The following CHRNA1 variants were observed in gnomAD, a reference collection of about 807,000 sequenced individuals.
The protein encoded by CHRNA1 is acetylcholine receptor subunit alpha.
CHRNA1 carries 35 observed loss-of-function variants against 47.1 expected under a neutral mutation model. That is an observed-to-expected ratio of 0.74 (90% CI 0.57 to 0.99). The LOEUF is 0.99. Among genes scored for constraint, CHRNA1 ranks in the 50% least tolerant of loss-of-function variants. The pLI is 0.00. For missense variants in CHRNA1, 506 were observed against 591.1 expected (o/e 0.86, Z 1.49); for synonymous variants, 229 against 223.6 (o/e 1.02, Z -0.22).
Position 174,748,631 on chromosome 2 carries a change from C to G in CHRNA1, c.1191G>C (p.Glu397Asp). 1 of 1,614,124 alleles carries G rather than the reference C, an allele frequency of 6.2e-7. No individual in the cohort carries two copies. The highest frequency in any genetic ancestry group is 8.5e-7 in the Non-Finnish European group (1 of 1,179,994). Reference sequence around the variant, plus strand: ...TGGTCTCTGCGATGTACTTGATGCCCTCGATGGCACTTTTCACCTCGGGGT... The same window carrying G: ...TGGTCTCTGCGATGTACTTGATGCCGTCGATGGCACTTTTCACCTCGGGGT... ...IKHPEVKSAI[E>D]GIKYIAETMK... Residue 397 changes from glutamate (E) to aspartate (D), a missense_variant, in exon 8 of 9, where the codon GAG becomes GAC. Transcript: ENST00000348749.
At position 174,759,611 on chromosome 2, in the gene CHRNA1, T is replaced by A; in HGVS notation, c.66A>T (p.Glu22Asp). 1.2e-6 allele frequency: 2 copies of A among 1,613,844 alleles called. No homozygotes were observed. Among genetic ancestry groups the A allele is most frequent in the Non-Finnish European group, 1.7e-6 (2 of 1,179,980 alleles). Residue 22 changes from glutamate (E) to aspartate (D), a missense_variant, in exon 2 of 9, where the codon GAA becomes GAT. Physicochemically the swap from Glu to Asp is conservative, Grantham distance 45. Coordinates refer to ENST00000348749, the MANE Select transcript of CHRNA1 (RefSeq NM_000079.4). Reference sequence around the variant, plus strand: ...GCTTTGCCACCAGACGGGTCTCATGTTCGGAGCCCAGGACGAGGCCAGCTG... The same window carrying A: ...GCTTTGCCACCAGACGGGTCTCATGATCGGAGCCCAGGACGAGGCCAGCTG... ...LCSAGLVLGSEHETRLVAKLF... is the reference protein window; with the variant it reads ...LCSAGLVLGSDHETRLVAKLF...
Position 174,764,407 on chromosome 2 carries a change from C to T in CHRNA1, c.-13G>A, listed in dbSNP as rs886038388. On this transcript the variant is annotated 5_prime_UTR_variant, in exon 1 of 9. Transcript: ENST00000348749. ...GCCAGGGCTCCATGGGCTACCGGAG[C>T]TTGTGTGGACCAGGGCAGAGTGGTG... is the stretch of plus-strand genomic sequence containing the variant. The T allele has an allele frequency of 1.9e-6, 3 of 1,611,510 alleles. No individual in the cohort carries two copies. Among genetic ancestry groups the T allele is most frequent in the South Asian group, 1.1e-5 (1 of 90,306 alleles).
rs754404989 is a variant in CHRNA1 at position 174,757,625 on chromosome 2, C to G, written c.285G>C (p.Val95=). 3 of 1,614,138 alleles carry G rather than the reference C, an allele frequency of 1.9e-6. No homozygotes were observed. In the East Asian group the frequency reaches 6.7e-5, roughly 36 times the overall value. Residue 95 remains valine, a synonymous_variant, in exon 4 of 9, where the codon GTG becomes GTC. Coordinates refer to ENST00000348749, the MANE Select transcript of CHRNA1 (RefSeq NM_000079.4). Reference sequence around the variant, plus strand: ...TTTCTGAAGGAATGTGAATTTTTTTCACACCGCCATAGTCATCTGGATTCC... The same window carrying G: ...TTTCTGAAGGAATGTGAATTTTTTTGACACCGCCATAGTCATCTGGATTCC... ...LKWNPDDYGG[V]KKIHIPSEKI...
At position 174,754,249 on chromosome 2, in the gene CHRNA1, G is replaced by C; in HGVS notation, c.510C>G (p.Thr170=). Residue 170 remains threonine (T), a synonymous_variant, in exon 5 of 9, where the codon ACC becomes ACG. Transcript: ENST00000348749. ...TGATGGCCACGACAGAGCCGTCGTA[G>C]GTCCAGGTGCCCAGCTTCATGCTGC... ...QNCSMKLGTW[T]YDGSVVAINP... 1.9e-6 allele frequency: 3 copies of C among 1,613,972 alleles called. No individual in the cohort carries two copies. The highest frequency in any genetic ancestry group is 2.7e-5 in the African/African-American group (2 of 75,058).
chr2:174,757,262 G>A (rs1239350067), intron 4 of CHRNA1, among the ~76,000 whole-genome samples: 8 of 152,050 alleles, frequency 5.3e-5, no homozygotes, highest in African/African-American at 1.9e-4. Flanking sequence ...TTCTCTTTAA[G>A]TCATGAGACA....
intron 8 of CHRNA1, 67 bp downstream of exon 8, chr2:174,748,512 TC>T: frequency 6.4e-7 from 1 of 1,572,200 alleles, no homozygotes; most frequent in Non-Finnish European, 8.6e-7. Context: ...TAAGTCAGAC[TC>T]ACCACCTGTG....
At position 174,754,209 on chromosome 2, in the gene CHRNA1, C is replaced by CACCACCTACCGGGT; in HGVS notation, c.536_540+9dup. 6.2e-7 allele frequency: 1 copy of CACCACCTACCGGGT among 1,612,740 alleles called. No homozygotes were observed. Among genetic ancestry groups the CACCACCTACCGGGT allele is most frequent in the East Asian group, 2.2e-5 (1 of 44,884 alleles). ...TGAAACCACCCTTATCATATGTGGC[C>CACCACCTACCGGGT]ACCACCTACCGGGTTGATGGCCACG... On this transcript the variant is annotated intron_variant, in intron 5 of 8. Transcript: ENST00000348749.
At chr2:174,759,439 G>T (rs1287235198) in intron 2 of CHRNA1, 49 bp downstream of exon 2, 15 of 1,614,100 alleles carry the variant, frequency 9.3e-6, no homozygotes, top group Non-Finnish European at 1.2e-5. Context: ...GGAAACCCAG[G>T]GGTGAGAGGT....
intron 1 of CHRNA1, among the ~76,000 whole-genome samples, chr2:174,762,186 G>A (rs964303713): frequency 1.1e-4 from 16 of 152,110 alleles, no homozygotes; most frequent in African/African-American, 3.9e-4. Flanking sequence ...TCTTAGATTG[G>A]TTCACTGGTA....
At chr2:174,749,284 C>T (rs1480091287) in intron 7 of CHRNA1, among the ~76,000 whole-genome samples, 1 of 152,228 alleles carries the variant, frequency 6.6e-6, no homozygotes, top group Non-Finnish European at 1.5e-5. Flanking sequence ...AGTCATCTAT[C>T]AGCCTTTACA....
Position 174,748,766 on chromosome 2 carries a change from T to C in CHRNA1, c.1056A>G (p.Pro352=). 1 of 1,614,228 alleles carries C rather than the reference T, an allele frequency of 6.2e-7. No individual in the cohort carries two copies. The highest frequency in any genetic ancestry group is 1.6e-4 in the Middle Eastern group (1 of 6,062). The part of the protein sequence containing the change: ...NIMFFSTMKR[P]SREKQDKKIF... Reference sequence around the variant, plus strand: ...TCTTTTTGTCTTGCTTTTCTCTGGATGGTCTTTTCATTGTGGAGAAAAACA... The same window carrying C: ...TCTTTTTGTCTTGCTTTTCTCTGGACGGTCTTTTCATTGTGGAGAAAAACA... The change falls in exon 8 of 9, where the codon CCA becomes CCG. Residue 352 remains proline (P), a synonymous_variant. Coordinates refer to ENST00000348749, the MANE Select transcript of CHRNA1 (RefSeq NM_000079.4).
At chr2:174,752,655 G>C (rs1181437962) in intron 6 of CHRNA1, 1 of 152,086 alleles carries the variant, frequency 6.6e-6, no homozygotes, top group Non-Finnish European at 1.5e-5. Flanking sequence ...TATTCTCTGC[G>C]GTCTATCTAC....
At chr2:174,759,727 C>T (rs1000407106) in intron 1 of CHRNA1, 94 bp from the exon 2 acceptor site, 15 of 1,530,418 alleles carry the variant, frequency 9.8e-6, no homozygotes, top group African/African-American at 9.6e-5. Flanking sequence ...GCATAAGCCT[C>T]AGTTCCTTCT....
intron 5 of CHRNA1, 37 bp downstream of exon 5, chr2:174,754,182 C>T: frequency 6.2e-7 from 1 of 1,605,834 alleles, no homozygotes; most frequent in Non-Finnish European, 8.5e-7. Flanking sequence ...TCACAATTTT[C>T]CTGAAACCAC....
intron 7 of CHRNA1, 44 bp from the exon 8 acceptor site, chr2:174,748,863 A>G: frequency 6.2e-7 from 1 of 1,609,288 alleles, no homozygotes; most frequent in African/African-American, 1.3e-5. Context: ...ATTGTCCAGG[A>G]GGCAAGCATA....
chr2:174,748,833 G>A lies in CHRNA1; in HGVS notation c.1003-14C>T, dbSNP rs774593219. ...GTCGATAAAAACCTAACATAAAAAA[G>A]AAATCCATGCATGAGAATTATTGTC... On this transcript the variant is annotated splice_polypyrimidine_tract_variant and intron_variant, in intron 7 of 8. Coordinates refer to ENST00000348749, the MANE Select transcript of CHRNA1 (RefSeq NM_000079.4). 21 of 1,613,142 alleles carry A rather than the reference G, an allele frequency of 1.3e-5. No homozygotes were observed. In the South Asian group the frequency reaches 2.2e-4, roughly 17 times the overall value.
intron 1 of CHRNA1, 55 bp downstream of exon 1, chr2:174,764,297 C>T (rs954021712): frequency 6.3e-6 from 10 of 1,581,428 alleles, no homozygotes; most frequent in Admixed American, 3.5e-5. Flanking sequence ...TGGGGGCCTC[C>T]AGCACTTTAG....
In CHRNA1 at chr2:174,753,650, A is replaced by G; in HGVS notation, c.631T>C (p.Ser211Pro). Reference sequence around the variant, plus strand: ...AGGTAGGGGGTGTCGGGGCAGCAGGAATAGGTCACGGAGTGCTTCCAGCCC... The same window carrying G: ...AGGTAGGGGGTGTCGGGGCAGCAGGGATAGGTCACGGAGTGCTTCCAGCCC... ...SRGWKHSVTY[S>P]CCPDTPYLDI... The change falls in exon 6 of 9, where the codon TCC becomes CCC. Residue 211 changes from serine to proline, a missense_variant. By Grantham distance (74) the Ser-to-Pro change is moderately conservative. Coordinates refer to ENST00000348749, the MANE Select transcript of CHRNA1 (RefSeq NM_000079.4). The G allele has an allele frequency of 6.2e-7, 1 of 1,614,130 alleles. No homozygotes were observed. Among genetic ancestry groups the G allele is most frequent in the Non-Finnish European group, 8.5e-7 (1 of 1,180,024 alleles).
At chr2:174,750,229 G>T in intron 6 of CHRNA1, 60 bp from the exon 7 acceptor site, 1 of 1,312,964 alleles carries the variant, frequency 7.6e-7, no homozygotes, top group Non-Finnish European at 1.1e-6. Flanking sequence ...TTGGGCTGCA[G>T]TGTTCCTCCC....
Sources: allele counts gnomAD v4.1 joint callset (sites outside exome capture counted in the v4.1 genomes callset), GRCh38; gene constraint gnomAD v4.1.1; transcripts MANE v1.5; gene names NCBI Gene and HGNC (gene_info 2026-07-23, HGNC 2026-07-21).